AMOTL1: variants seen among roughly 807,000 people sequenced by gnomAD.
AMOTL1 encodes the protein angiomotin like 1, also known as angiomotin-like protein 1.
A neutral mutation model predicts 102.9 loss-of-function variants in AMOTL1; 45 were observed. The observed-to-expected ratio is 0.44, with a 90% CI of 0.34 to 0.56. AMOTL1 has a LOEUF of 0.56. AMOTL1 is among the 20% of genes least tolerant of loss of function. AMOTL1 has a pLI of 0.01. For missense variants in AMOTL1, 1,114 were observed against 1,225.6 expected (o/e 0.91, Z 1.36); for synonymous variants, 481 against 484.7 (o/e 0.99, Z 0.10).
chr11:94,865,163 A>C (rs184308517), intron 10 of AMOTL1, among the ~76,000 whole-genome samples: 1 of 152,214 alleles, frequency 6.6e-6, no homozygotes, highest in African/African-American at 2.4e-5. Context: ...CTTGGTGTCT[A>C]TCTCTATGAC....
intron 1 of AMOTL1, among the ~76,000 whole-genome samples, chr11:94,781,663 C>T (rs1468298625): frequency 2.0e-5 from 3 of 151,848 alleles, no homozygotes; most frequent in African/African-American, 4.8e-5. Flanking sequence ...GGTGAAACCC[C>T]GTCTCTACTA....
chr11:94,735,102 G>A (rs1433580715), intron 2 of AMOTL1, among the ~76,000 whole-genome samples: 2 of 152,170 alleles, frequency 1.3e-5, no homozygotes, highest in African/African-American at 2.4e-5. Context: ...AACCCCTGGG[G>A]GCCCCTTGAG....
chr11:94,821,562 T>C lies in AMOTL1; in HGVS notation c.1154T>C (p.Met385Thr), dbSNP rs753509189. ...TGCCAACTTCCGTTCCCATCAACCA[T>C]GCAGCAGCACAGCCCCATGTCCTCC... is the stretch of plus-strand genomic sequence containing the variant. ...RPCQLPFPST[M>T]QQHSPMSSQT... Residue 385 changes from methionine (M) to threonine (T), a missense_variant, in exon 4 of 13, where the codon ATG (methionine) becomes ACG (threonine). Transcript: ENST00000433060. 3.1e-6 allele frequency: 5 copies of C among 1,613,726 alleles called. No homozygotes were observed. The South Asian group carries it at 5.5e-5, about 18-fold the overall frequency.
chr11:94,818,199 G>A (rs1407252179), intron 3 of AMOTL1, among the ~76,000 whole-genome samples: 2 of 152,188 alleles, frequency 1.3e-5, no homozygotes, highest in African/African-American at 2.4e-5. Context: ...ATTGCTTTAA[G>A]GAATTGAGGT....
In AMOTL1 at chr11:94,799,987, TGCA is replaced by T; in HGVS notation, c.800_802del (p.Gln267del). 1 of 1,614,026 alleles carries T rather than the reference TGCA, an allele frequency of 6.2e-7. No individual in the cohort carries two copies. Among genetic ancestry groups the T allele is most frequent in the Non-Finnish European group, 8.5e-7 (1 of 1,179,890 alleles). Reference sequence around the variant, plus strand: ...GTCCGCTCGCTCAGCGAGAGAATCATGCAGCTGTCCCTGGAGAGGAATGGGGCC... The same window carrying T: ...GTCCGCTCGCTCAGCGAGAGAATCATGCTGTCCCTGGAGAGGAATGGGGCC... On this transcript the variant is annotated inframe_deletion, in exon 3 of 13. Coordinates refer to ENST00000433060, the MANE Select transcript of AMOTL1 (RefSeq NM_130847.3). The surrounding 1 kb of genome is among the most constrained non-coding windows in gnomAD (Gnocchi z 4.5).
At chr11:94,762,011 G>A (rs1950800001) in intron 3 of AMOTL1, among the ~76,000 whole-genome samples, 1 of 152,160 alleles carries the variant, frequency 6.6e-6, no homozygotes, top group Admixed American at 6.5e-5. Flanking sequence ...CTGAACTTCA[G>A]CTATTGTGAA....
intron 7 of AMOTL1, 143 bp downstream of exon 7, chr11:94,850,402 A>C: frequency 8.8e-7 from 1 of 1,141,482 alleles, no homozygotes; most frequent in East Asian, 2.6e-5. Flanking sequence ...AAACTTCTCA[A>C]ATAAAAGTGA....
At chr11:94,804,503 G>C (rs1416478843) in intron 3 of AMOTL1, among the ~76,000 whole-genome samples, 1 of 152,106 alleles carries the variant, frequency 6.6e-6, no homozygotes, top group East Asian at 1.9e-4. Context: ...TGTTGGCAAG[G>C]CTGGTCTTGA....
chr11:94,830,329 A>C, intron 5 of AMOTL1, 135 bp downstream of exon 5: 1 of 828,838 alleles, frequency 1.2e-6, no homozygotes, highest in Non-Finnish European at 1.8e-6. Context: ...TATTTCAATG[A>C]TCTGGGGAAG....
chr11:94,817,038 A>G (rs1157942373), intron 3 of AMOTL1, among the ~76,000 whole-genome samples: 3 of 152,326 alleles, frequency 2.0e-5, no homozygotes, highest in African/African-American at 7.2e-5. Context: ...CTCCTTAATA[A>G]AAGGTTATAA....
At chr11:94,811,279 G>A (rs1349355845) in intron 3 of AMOTL1, among the ~76,000 whole-genome samples, 2 of 152,108 alleles carry the variant, frequency 1.3e-5, no homozygotes. Flanking sequence ...GAATGGCTGA[G>A]GTCAGGGGTT....
chr11:94,712,418 A>G (rs768295637), intron 1 of AMOTL1, among the ~76,000 whole-genome samples: 16 of 151,972 alleles, frequency 1.1e-4, no homozygotes, highest in Admixed American at 2.0e-4. Flanking sequence ...CTAGAAAATC[A>G]GTCTTGGTAA....
intron 8 of AMOTL1, among the ~76,000 whole-genome samples, chr11:94,858,181 G>A (rs557964229): frequency 3.9e-5 from 6 of 152,256 alleles, no homozygotes; most frequent in African/African-American, 1.2e-4. Flanking sequence ...ATAAGGGAGC[G>A]TCTCATCTCG....
At chr11:94,752,262 C>A (rs1370145487) in intron 3 of AMOTL1, among the ~76,000 whole-genome samples, 5 of 152,144 alleles carry the variant, frequency 3.3e-5, no homozygotes, top group Admixed American at 2.0e-4. Flanking sequence ...TTGCACCCTC[C>A]TCAGCCCCCA....
intron 2 of AMOTL1, 46 bp downstream of exon 2, chr11:94,795,206 T>TA (rs1951345496): frequency 1.2e-6 from 2 of 1,603,928 alleles, no homozygotes; most frequent in Admixed American, 1.7e-5. Context: ...AAAATGATCT[T>TA]ACGTTTCTCA....
At chr11:94,843,801 G>T (rs1013699678) in intron 6 of AMOTL1, among the ~76,000 whole-genome samples, 2 of 152,210 alleles carry the variant, frequency 1.3e-5, no homozygotes, top group African/African-American at 4.8e-5. Context: ...GATGCCATTG[G>T]TGTTGATCAG....
At chr11:94,749,693 C>T (rs1047052712) in intron 3 of AMOTL1, among the ~76,000 whole-genome samples, 11 of 152,188 alleles carry the variant, frequency 7.2e-5, no homozygotes, top group Admixed American at 3.3e-4. Context: ...CCTGATAGGA[C>T]GCTGACTGAT....
At chr11:94,804,931 T>C (rs1005030626) in intron 3 of AMOTL1, among the ~76,000 whole-genome samples, 6 of 152,216 alleles carry the variant, frequency 3.9e-5, no homozygotes, top group African/African-American at 9.6e-5. Context: ...TTCCTTAATC[T>C]TTACAACTCT....
At chr11:94,870,637 C>G in intron 12 of AMOTL1, 52 bp from the exon 13 acceptor site, 1 of 1,447,174 alleles carries the variant, frequency 6.9e-7, no homozygotes, top group Non-Finnish European at 9.4e-7. Flanking sequence ...ACCTGGAAAG[C>G]CTATGCCCCT....
Sources: allele counts gnomAD v4.1 joint callset (sites outside exome capture counted in the v4.1 genomes callset), GRCh38; gene constraint gnomAD v4.1.1; non-coding constraint Gnocchi (gnomAD v3.1); transcripts MANE v1.5; gene names NCBI Gene and HGNC (gene_info 2026-07-23, HGNC 2026-07-21).